Variants in RRAGD observed in about 807,000 individuals in gnomAD.
RRAGD encodes Ras related GTP binding D, also known as ras-related GTP-binding protein D.
RRAGD carries 12 observed loss-of-function variants against 35.5 expected under a neutral mutation model. The observed-to-expected ratio is 0.34, with a 90% CI of 0.22 to 0.55. RRAGD has a LOEUF of 0.55. Among genes scored for constraint, RRAGD ranks in the 20% least tolerant of loss-of-function variants. The pLI is 0.91. For synonymous variants in RRAGD, 155 were observed against 178.9 expected (o/e 0.87, Z 1.07); for missense variants, 324 against 490.1 (o/e 0.66, Z 3.20).
In RRAGD at chr6:89,387,459, AG is replaced by A; in HGVS notation, c.279del (p.Leu94TrpfsTer40). The A allele has an allele frequency of 6.2e-7, 1 of 1,614,212 alleles. No individual in the cohort carries two copies. The highest frequency in any genetic ancestry group is 8.5e-7 in the Non-Finnish European group (1 of 1,180,034). ...FHKMSPNETL[F>X]LESTNKICRE... ...CGGCATATCTTATTAGTGCTCTCCA[AG>A]AACAGAGTTTCGTTGGGAGACATTT... On this transcript the variant is annotated frameshift_variant, in exon 2 of 7. Coordinates refer to ENST00000369415, the MANE Select transcript of RRAGD (RefSeq NM_021244.5). LOFTEE classifies it high-confidence loss of function.
At chr6:89,405,463 C>A (rs1475250885) in intron 1 of RRAGD, among the ~76,000 whole-genome samples, 1 of 152,014 alleles carries the variant, frequency 6.6e-6, no homozygotes, top group Non-Finnish European at 1.5e-5. Flanking sequence ...TCCCAACTCT[C>A]CATTTACTAG....
intron 3 of RRAGD, 96 bp from the exon 4 acceptor site, chr6:89,379,434 G>A (rs1769005583): frequency 3.2e-6 from 2 of 619,940 alleles, no homozygotes; most frequent in Non-Finnish European, 5.8e-6. Flanking sequence ...CCTTCTGTAT[G>A]TATAGTCCTA....
intron 1 of RRAGD, among the ~76,000 whole-genome samples, chr6:89,410,163 A>G (rs1265363204): frequency 1.3e-5 from 2 of 152,236 alleles, no homozygotes; most frequent in Admixed American, 1.3e-4. Flanking sequence ...TGCCCACTTA[A>G]AGAACTGCAG....
In RRAGD at chr6:89,396,399, A is replaced by C. The variant is rs558535077; in HGVS notation, c.149-8809T>G. Among the ~76,000 whole-genome samples the C allele has an allele frequency of 8.0e-5, 6 of 74,612 alleles. No homozygotes were observed. The South Asian group carries it at 2.4e-3, about 30-fold the overall frequency. 48.9% of individuals were successfully genotyped at this position (74,612 alleles called of 152,430 possible). On this transcript the variant is annotated intron_variant, in intron 1 of 6. Coordinates refer to ENST00000369415, the MANE Select transcript of RRAGD (RefSeq NM_021244.5). ...ATATGAAGAACTCTCAAAACTTATT[A>C]ATAAGAAATGACTCAATTTTATTTT...
chr6:89,399,592 C>T (rs187397558), intron 1 of RRAGD, among the ~76,000 whole-genome samples: 6 of 152,150 alleles, frequency 3.9e-5, no homozygotes, highest in Admixed American at 2.6e-4. Flanking sequence ...GGCAACATGG[C>T]AAAACCCTCT....
At chr6:89,395,656 T>C (rs1769319173) in intron 1 of RRAGD, among the ~76,000 whole-genome samples, 2 of 152,242 alleles carry the variant, frequency 1.3e-5, no homozygotes, top group Admixed American at 1.3e-4. Context: ...AGTTGTGCTC[T>C]TAGGGTTTCT....
At position 89,411,952 on chromosome 6, in the gene RRAGD, G is replaced by C; in HGVS notation, c.42C>G (p.Asp14Glu). The stretch of plus-strand genomic sequence containing the variant: ...CCTCCTCCTCCTCCTCCTCCGCGTC[G>C]TCCTCGTCCTGCGGCTGCGGCTTCC... ...VLGKPQPQDEDDAEEEEEEDE... is the reference protein window; with the variant it reads ...VLGKPQPQDEEDAEEEEEEDE... The change falls in exon 1 of 7, where the codon GAC becomes GAG. Residue 14 changes from aspartate to glutamate, a missense_variant. By Grantham distance (45) the Asp-to-Glu change is conservative. This residue lies in a region of RRAGD where 96 missense variants were observed against 78.7 expected (regional missense o/e 1.22). Transcript: ENST00000369415. This position sits in a 1 kb window ranked among gnomAD's most constrained non-coding sequence, Gnocchi z 5.6. The C allele has an allele frequency of 3.2e-6, 5 of 1,538,540 alleles. No homozygotes were observed. The highest frequency in any genetic ancestry group is 4.4e-6 in the Non-Finnish European group (5 of 1,146,122).
At chr6:89,372,726 C>G (rs942366710) in intron 5 of RRAGD, 141 bp from the exon 6 acceptor site, 4 of 734,524 alleles carry the variant, frequency 5.4e-6, no homozygotes, top group Non-Finnish European at 6.4e-6. Context: ...AGCAAAAGAG[C>G]TCAGAAACAC....
At chr6:89,372,346 G>T in intron 6 of RRAGD, 91 bp downstream of exon 6, 1 of 1,365,160 alleles carries the variant, frequency 7.3e-7, no homozygotes, top group African/African-American at 1.5e-5. Flanking sequence ...CGAGGGCTAT[G>T]CTGTTGTCCA....
chr6:89,383,462 ACTTT>A (rs1400558759), intron 2 of RRAGD, among the ~76,000 whole-genome samples: 1 of 152,202 alleles, frequency 6.6e-6, no homozygotes, highest in East Asian at 1.9e-4. Flanking sequence ...ATCGTTTATT[ACTTT>A]CTTTGACAAA....
chr6:89,407,225 A>G (rs2127899465), intron 1 of RRAGD, among the ~76,000 whole-genome samples: 1 of 152,316 alleles, frequency 6.6e-6, no homozygotes, highest in East Asian at 1.9e-4. Context: ...CTGCAGTGTC[A>G]CAGCAGAACC....
intron 3 of RRAGD, 147 bp from the exon 4 acceptor site, chr6:89,379,485 C>T (rs912910299): frequency 1.2e-5 from 5 of 404,912 alleles, no homozygotes; most frequent in South Asian, 5.9e-5. Flanking sequence ...ACAGTGACCT[C>T]GGTAAAAAAC....
At chr6:89,395,440 C>A (rs1213466325) in intron 1 of RRAGD, among the ~76,000 whole-genome samples, 3 of 152,090 alleles carry the variant, frequency 2.0e-5, no homozygotes, top group Non-Finnish European at 4.4e-5. Context: ...GAACTATAAT[C>A]TGTCAATGAA....
At chr6:89,372,736 C>T in intron 5 of RRAGD, 151 bp from the exon 6 acceptor site, 1 of 681,388 alleles carries the variant, frequency 1.5e-6, no homozygotes, top group Non-Finnish European at 2.4e-6. Flanking sequence ...CTCAGAAACA[C>T]ACAGGCACAA....
In RRAGD at chr6:89,383,889, C is replaced by T. The variant is rs989095079; in HGVS notation, c.444+3406G>A. On this transcript the variant is annotated intron_variant, in intron 2 of 6. Coordinates refer to ENST00000369415, the MANE Select transcript of RRAGD (RefSeq NM_021244.5). ...CTGTAATCTCAGCACTTTGGGAGGC[C>T]GAGGCGGGTGGATCACGAGGTCAAG... is the stretch of plus-strand genomic sequence containing the variant. Among the ~76,000 whole-genome samples, 9 of 151,636 alleles carry T rather than the reference C, an allele frequency of 5.9e-5. No homozygotes were observed. The South Asian group carries it at 8.3e-4, about 14-fold the overall frequency.
At chr6:89,410,610 C>G (rs936684672) in intron 1 of RRAGD, among the ~76,000 whole-genome samples, 14 of 152,190 alleles carry the variant, frequency 9.2e-5, no homozygotes, top group Non-Finnish European at 1.5e-5. Flanking sequence ...CAAATCATCC[C>G]AAGAGAGAAA....
Position 89,412,219 on chromosome 6 carries a change from A to T in RRAGD, c.-226T>A. On this transcript the variant is annotated 5_prime_UTR_variant, in exon 1 of 7. Coordinates refer to ENST00000369415, the MANE Select transcript of RRAGD (RefSeq NM_021244.5). The surrounding 1 kb of genome is among the most constrained non-coding windows in gnomAD (Gnocchi z 4.2). ...CCTCCCCCGCCCCGCCCGCCGGCGG[A>T]GGAGTCAGCCGGAGCGCGGCAGTTC... 1 of 295,588 alleles carries T rather than the reference A, an allele frequency of 3.4e-6. No homozygotes were observed. Among genetic ancestry groups the T allele is most frequent in the Non-Finnish European group, 6.1e-6 (1 of 163,706 alleles). 18.3% of individuals were successfully genotyped at this position (295,588 alleles called of 1,614,324 possible).
At chr6:89,375,549 C>A (rs1158186674) in intron 5 of RRAGD, among the ~76,000 whole-genome samples, 1 of 152,224 alleles carries the variant, frequency 6.6e-6, no homozygotes, top group African/African-American at 2.4e-5. Flanking sequence ...CCTGAGGCAC[C>A]AGGTCACCTG....
In RRAGD at chr6:89,412,032, C is replaced by A; in HGVS notation, c.-39G>T. 6.6e-7 allele frequency: 1 copy of A among 1,513,876 alleles called. No homozygotes were observed. The highest frequency in any genetic ancestry group is 1.2e-5 in the South Asian group (1 of 80,972). The allele number at this position is 1,513,876 out of a possible 1,614,324, so 93.8% of individuals were successfully genotyped here. ...CGGCCGGCCCGGGGACGGCGGGGGT[C>A]CCGGGGTGGGGGCCAAGCCTCCTAG... On this transcript the variant is annotated 5_prime_UTR_variant, in exon 1 of 7. Coordinates refer to ENST00000369415, the MANE Select transcript of RRAGD (RefSeq NM_021244.5). The surrounding 1 kb of genome is among the most constrained non-coding windows in gnomAD (Gnocchi z 4.2).
Sources: allele counts gnomAD v4.1 joint callset (sites outside exome capture counted in the v4.1 genomes callset), GRCh38; gene constraint gnomAD v4.1.1; regional missense constraint gnomAD v4.1.1; non-coding constraint Gnocchi (gnomAD v3.1); transcripts MANE v1.5; gene names NCBI Gene and HGNC (gene_info 2026-07-23, HGNC 2026-07-21).